Variants in ITGAM observed in about 807,000 individuals in gnomAD.
The protein encoded by ITGAM is integrin subunit alpha M.
ITGAM carries 79 observed loss-of-function variants against 137.5 expected under a neutral mutation model. That is an observed-to-expected ratio of 0.57 (90% CI 0.48 to 0.69). The LOEUF is 0.69. Among genes scored for constraint, ITGAM ranks in the 30% least tolerant of loss-of-function variants. The pLI is 0.00. For synonymous variants in ITGAM, 583 were observed against 592.3 expected (o/e 0.98, Z 0.23); for missense variants, 1,343 against 1,483.5 (o/e 0.91, Z 1.56).
chr16:31,260,069 C>A lies in ITGAM; in HGVS notation c.5C>A (p.Ala2Asp). The A allele has an allele frequency of 6.4e-7, 1 of 1,564,982 alleles. No individual in the cohort carries two copies. Among genetic ancestry groups the A allele is most frequent in the Non-Finnish European group, 8.7e-7 (1 of 1,152,548 alleles). Residue 2 changes from alanine to aspartate, a missense_variant, in exon 1 of 30, where the codon GCT (alanine) becomes GAT (aspartate). Physicochemically the swap from Ala to Asp is moderately radical, Grantham distance 126. Coordinates refer to ENST00000544665, the MANE Select transcript of ITGAM (RefSeq NM_000632.4). ...AGGTTCTGGCTCCTTCCAGCCATGG[C>A]TCTCAGAGTCCTTCTGTTAACAGGT... MALRVLLLTALT... is the reference protein window; with the variant it reads MDLRVLLLTALT...
Position 31,321,369 on chromosome 16 carries a change from C to T in ITGAM, c.1836C>T (p.Leu612=), listed in dbSNP as rs780850406. Residue 612 remains leucine (L), a splice_region_variant and synonymous_variant, in exon 15 of 30, where the codon CTC becomes CTT. Transcript: ENST00000544665. The stretch of plus-strand genomic sequence containing the variant: ...GAGCCCAGGGGCACGTGCTGCTGCT[C>T]AGGTGAGAATGCCTTTTGGAGTCAA... The part of the protein sequence containing the change: ...TVGAQGHVLL[L]RSQPVLRVKA... 14 of 1,613,986 alleles carry T rather than the reference C, an allele frequency of 8.7e-6. 1 individual carries two copies. In the South Asian group the frequency reaches 1.4e-4, roughly 16 times the overall value.
rs1471250017 is a variant in ITGAM, at chr16:31,331,847, A to G, written c.*140A>G. Reference sequence around the variant, plus strand: ...CTTGGGCTTCCATTTGTGTGTGTGCAAGTGTGTATGTGCGTGTGTGCAAGT... The same window carrying G: ...CTTGGGCTTCCATTTGTGTGTGTGCGAGTGTGTATGTGCGTGTGTGCAAGT... On this transcript the variant is annotated 3_prime_UTR_variant, in exon 30 of 30. Transcript: ENST00000544665. The G allele has an allele frequency of 3.4e-6, 2 of 592,690 alleles. No homozygotes were observed. The highest frequency in any genetic ancestry group is 2.1e-5 in the African/African-American group (1 of 47,580). The allele number at this position is 592,690 out of a possible 1,614,324, so 36.7% of individuals were successfully genotyped here.
chr16:31,289,268 T>G (rs541700999), intron 12 of ITGAM, among the ~76,000 whole-genome samples: 8 of 152,250 alleles, frequency 5.3e-5, no homozygotes, highest in South Asian at 2.1e-4. Flanking sequence ...TATACCCAAA[T>G]GACTATAAAT....
At chr16:31,278,355 G>C (rs1177938394) in intron 12 of ITGAM, among the ~76,000 whole-genome samples, 1 of 152,076 alleles carries the variant, frequency 6.6e-6, no homozygotes. Flanking sequence ...CTCAGGGCTG[G>C]TATTCAACCC....
chr16:31,266,151 G>A lies in ITGAM; in HGVS notation c.427+4G>A. 1 of 1,603,922 alleles carries A rather than the reference G, an allele frequency of 6.2e-7. No individual in the cohort carries two copies. The highest frequency in any genetic ancestry group is 8.5e-7 in the Non-Finnish European group (1 of 1,171,356). On this transcript the variant is annotated splice_donor_region_variant and intron_variant, in intron 5 of 29. Transcript: ENST00000544665. ...AAGTTCCCAGAGGCCCTCCGAGGTG[G>A]GTTGCCTTTGGCAGAGGGAACAGAT...
chr16:31,322,754 A>G (rs886220486), intron 16 of ITGAM, among the ~76,000 whole-genome samples: 1 of 152,240 alleles, frequency 6.6e-6, no homozygotes, highest in African/African-American at 2.4e-5. Context: ...GGAAAGGATG[A>G]GAACTTCAGC....
At chr16:31,273,969 G>C (rs983034679) in intron 8 of ITGAM, among the ~76,000 whole-genome samples, 7 of 152,234 alleles carry the variant, frequency 4.6e-5, no homozygotes, top group Non-Finnish European at 8.8e-5. Context: ...AGGGGAGCAA[G>C]AGAACAGTGG....
At chr16:31,297,072 C>T (rs1443704337) in intron 12 of ITGAM, among the ~76,000 whole-genome samples, 1 of 152,122 alleles carries the variant, frequency 6.6e-6, no homozygotes, top group African/African-American at 2.4e-5. Flanking sequence ...TCTTTGCTGC[C>T]TTAATAATCT....
chr16:31,271,292 G>C (rs2079836971), intron 6 of ITGAM, among the ~76,000 whole-genome samples: 1 of 152,156 alleles, frequency 6.6e-6, no homozygotes, highest in Non-Finnish European at 1.5e-5. Flanking sequence ...AGCTCTAATT[G>C]TTAAGGTTGG....
Position 31,273,408 on chromosome 16 carries a change from T to C in ITGAM, c.748T>C (p.Phe250Leu). Residue 250 changes from phenylalanine (F) to leucine (L), a missense_variant, in exon 8 of 30, where the codon TTT (phenylalanine) becomes CTT (leucine). Transcript: ENST00000544665. ...CACCAACGGAGCCCGAAAGAATGCCTTTAAGATCCTAGTTGTCATCACGGA... is the reference window on the plus strand; with the variant it reads ...CACCAACGGAGCCCGAAAGAATGCCCTTAAGATCCTAGTTGTCATCACGGA... ...NITNGARKNA[F>L]KILVVITDGE... The C allele has an allele frequency of 6.2e-7, 1 of 1,613,896 alleles. No individual in the cohort carries two copies. The highest frequency in any genetic ancestry group is 8.5e-7 in the Non-Finnish European group (1 of 1,179,842).
intron 14 of ITGAM, among the ~76,000 whole-genome samples, chr16:31,303,183 C>T (rs1386892515): frequency 6.6e-6 from 1 of 151,358 alleles, no homozygotes; most frequent in Admixed American, 6.6e-5. Flanking sequence ...TAGGTGTGCA[C>T]CCCCACGCTT....
In ITGAM at chr16:31,260,011, G is replaced by A; in HGVS notation, c.-54G>A. Reference sequence around the variant, plus strand: ...TTGGTGGCTTCCTTGTGGTTCCTCAGTGGTGCCTGCAACCCCTGGTTCACC... The same window carrying A: ...TTGGTGGCTTCCTTGTGGTTCCTCAATGGTGCCTGCAACCCCTGGTTCACC... On this transcript the variant is annotated 5_prime_UTR_variant, in exon 1 of 30. It adds an upstream start codon to the 5' untranslated region. Transcript: ENST00000544665. The A allele has an allele frequency of 6.6e-7, 1 of 1,520,258 alleles. No homozygotes were observed. Among genetic ancestry groups the A allele is most frequent in the Non-Finnish European group, 9.0e-7 (1 of 1,112,970 alleles). The allele number at this position is 1,520,258 out of a possible 1,614,324, so 94.2% of individuals were successfully genotyped here. A position where few individuals can be genotyped will look rare whatever the true frequency, so the allele number is the denominator to read the frequency against.
chr16:31,329,073 T>TGCCCCCCCCCCC, intron 23 of ITGAM, 155 bp from the exon 24 acceptor site: 6 of 426,234 alleles, frequency 1.4e-5, no homozygotes, highest in South Asian at 2.1e-5. Context: ...ACACATTGGT[T>TGCCCCCCCCCCC]CCCCCATCCC....
chr16:31,276,749 G>A lies in ITGAM; in HGVS notation c.1083+5G>A, dbSNP rs751983717. 1.4e-5 allele frequency: 23 copies of A among 1,608,724 alleles called. No homozygotes were observed. The highest frequency in any genetic ancestry group is 1.9e-5 in the Non-Finnish European group (22 of 1,177,094). ...TTCAGCGCTGCCATCACCTCTGTAAGTGGCCCTTCATTAAATTGCGGGGGT... is the reference window on the plus strand; with the variant it reads ...TTCAGCGCTGCCATCACCTCTGTAAATGGCCCTTCATTAAATTGCGGGGGT... On this transcript the variant is annotated splice_donor_5th_base_variant and intron_variant, in intron 10 of 29. Transcript: ENST00000544665.
At chr16:31,290,563 C>A (rs944597820) in intron 12 of ITGAM, among the ~76,000 whole-genome samples, 3 of 152,034 alleles carry the variant, frequency 2.0e-5, no homozygotes, top group African/African-American at 7.2e-5. Context: ...TCTCAGCCGA[C>A]TAGGAACTAA....
At chr16:31,320,347 G>A (rs1201059490) in intron 14 of ITGAM, among the ~76,000 whole-genome samples, 1 of 151,992 alleles carries the variant, frequency 6.6e-6, no homozygotes, top group Admixed American at 6.6e-5. Context: ...TAATATCTTT[G>A]TCTTATAACT....
chr16:31,277,841 C>A, intron 11 of ITGAM, 126 bp from the exon 12 acceptor site: 2 of 926,200 alleles, frequency 2.2e-6, no homozygotes, highest in Non-Finnish European at 3.2e-6. Context: ...AGAAATATAG[C>A]GTAGGGATCA....
intron 9 of ITGAM, among the ~76,000 whole-genome samples, chr16:31,276,199 T>G (rs535390698): frequency 5.9e-5 from 9 of 152,202 alleles, no homozygotes; most frequent in Non-Finnish European, 1.3e-4. Context: ...TGGAGGTGAA[T>G]GGCTGCCATC....
chr16:31,331,401 C>A (rs1260415152), intron 29 of ITGAM, 126 bp downstream of exon 29: 2 of 701,768 alleles, frequency 2.8e-6, no homozygotes, highest in African/African-American at 1.8e-5. Flanking sequence ...AGCCTCTCTG[C>A]GCCTCAGTCT....
Sources: allele counts gnomAD v4.1 joint callset (sites outside exome capture counted in the v4.1 genomes callset), GRCh38; gene constraint gnomAD v4.1.1; transcripts MANE v1.5; gene names NCBI Gene and HGNC (gene_info 2026-07-23, HGNC 2026-07-21).